Variants in LRPPRC observed in about 807,000 individuals in gnomAD.
The protein encoded by LRPPRC is leucine rich pentatricopeptide repeat containing.
LRPPRC carries 120 observed loss-of-function variants against 180.3 expected under a neutral mutation model. The observed-to-expected ratio is 0.67, with a 90% confidence interval of 0.57 to 0.77. The LOEUF (loss-of-function observed/expected upper bound fraction) is 0.77, where lower values mean the gene tolerates loss of function less well. LRPPRC is among the 30% of genes least tolerant of loss of function. The pLI, the probability that LRPPRC is intolerant of heterozygous loss-of-function variation, is 0.00. For synonymous variants in LRPPRC, 723 were observed against 600.0 expected, an observed-to-expected ratio of 1.21 and a Z score of -3.00; for missense variants, 2,012 against 1,657.2, an observed-to-expected ratio of 1.21 and a Z score of -3.72.
At chr2:43,987,491 C>CAAAAAAAAAAA (rs34151335) in intron 1 of LRPPRC, among the ~76,000 whole-genome samples, 1 of 75,926 alleles carries the variant, frequency 1.3e-5, no homozygotes, top group African/African-American at 5.4e-5. Context: ...CCAGACTCCT[C>CAAAAAAAAAAA]AAAAAAAAAA....
At chr2:43,975,028 T>A in intron 7 of LRPPRC, 63 bp downstream of exon 7, 3 of 1,552,366 alleles carry the variant, frequency 1.9e-6, no homozygotes, top group Non-Finnish European at 2.6e-6. Context: ...CTGCCTCATG[T>A]AAAACATAAC....
intron 13 of LRPPRC, among the ~76,000 whole-genome samples, chr2:43,959,495 TGTCTGTGTTTTGTTTG>T: frequency 6.6e-6 from 1 of 152,252 alleles, no homozygotes; most frequent in Non-Finnish European, 1.5e-5. Flanking sequence ...AAATTAATTA[TGTCTGTGTTTTGTTTG>T]TAAATGACAT....
In LRPPRC at chr2:43,918,080, T is replaced by C. The variant is rs768083517; in HGVS notation, c.3093A>G (p.Thr1031=). 5.6e-6 allele frequency: 9 copies of C among 1,613,920 alleles called. No homozygotes were observed. In the Admixed American group the frequency reaches 1.5e-4, roughly 27 times the overall value. The change falls in exon 29 of 38, where the codon ACA becomes ACG. Residue 1031 remains threonine, a synonymous_variant. Coordinates refer to ENST00000260665, the MANE Select transcript of LRPPRC (RefSeq NM_133259.4). ...HSLNSSSAST[T]EPDFQKDILI... The stretch of plus-strand genomic sequence containing the variant: ...ATATATCTTTCTGGAAATCAGGTTC[T>C]GTGGTTGAGGCTGACGAAGAATTCA...
intron 23 of LRPPRC, among the ~76,000 whole-genome samples, chr2:43,940,171 C>T (rs938679631): frequency 2.0e-5 from 3 of 152,164 alleles, no homozygotes; most frequent in African/African-American, 7.2e-5. Flanking sequence ...TGTCCTTTGG[C>T]ACTGATGATG....
At position 43,899,764 on chromosome 2, in the gene LRPPRC, C is replaced by A. The variant is rs1317518549; in HGVS notation, c.3570-159G>T. On this transcript the variant is annotated intron_variant, in intron 32 of 37. Transcript: ENST00000260665. Reference sequence around the variant, plus strand: ...CCAAATAAACACTAGGCAACTGAAACCCTGAATCACATTTAAGTAGCAAAA... The same window carrying A: ...CCAAATAAACACTAGGCAACTGAAAACCTGAATCACATTTAAGTAGCAAAA... 1.1e-5 allele frequency: 7 copies of A among 611,402 alleles called. 1 individual carries two copies. Among genetic ancestry groups the A allele is most frequent in the South Asian group, 7.9e-5 (4 of 50,596 alleles). The allele number at this position is 611,402 out of a possible 1,614,324, so 37.9% of individuals were successfully genotyped here.
rs1282109699 is a variant in LRPPRC at position 43,886,594 on chromosome 2, C to T, written c.*2006G>A. 6.6e-6 allele frequency: 1 copy of T among 152,192 alleles called. No individual in the cohort carries two copies. The highest frequency in any genetic ancestry group is 2.1e-4 in the South Asian group (1 of 4,832). The allele number at this position is 152,192 out of a possible 1,614,324, so 9.4% of individuals were successfully genotyped here. ...AGAGGGCTAGATAAGGGGGTCTTAC[C>T]TATTTCCTCTGTACCACACTCACAT... On this transcript the variant is annotated 3_prime_UTR_variant, in exon 38 of 38. Coordinates refer to ENST00000260665, the MANE Select transcript of LRPPRC (RefSeq NM_133259.4).
At chr2:43,932,252 T>C (rs527997300) in intron 25 of LRPPRC, among the ~76,000 whole-genome samples, 5 of 151,898 alleles carry the variant, frequency 3.3e-5, no homozygotes, top group South Asian at 4.2e-4. Context: ...TATTTACACA[T>C]TGAACCTTGC....
intron 37 of LRPPRC, 120 bp downstream of exon 37, chr2:43,889,614 G>C: frequency 1.2e-6 from 1 of 866,518 alleles, no homozygotes; most frequent in Non-Finnish European, 1.9e-6. Context: ...TCCCCTGAGG[G>C]CTCTTCACAG....
chr2:43,988,835 G>A (rs896022356), intron 1 of LRPPRC, among the ~76,000 whole-genome samples: 9 of 151,952 alleles, frequency 5.9e-5, no homozygotes, highest in African/African-American at 2.2e-4. Flanking sequence ...GAGCCACCAC[G>A]CCTGACCAAA....
At chr2:43,916,950 G>GTAA (rs1553395763) in intron 29 of LRPPRC, among the ~76,000 whole-genome samples, 7 of 118,142 alleles carry the variant, frequency 5.9e-5, no homozygotes, top group East Asian at 2.2e-4. Flanking sequence ...TCTCCGGGGG[G>GTAA]AAAAAAAAAA....
At chr2:43,966,887 C>T (rs1572556962) in intron 11 of LRPPRC, among the ~76,000 whole-genome samples, 1 of 151,238 alleles carries the variant, frequency 6.6e-6, no homozygotes, top group African/African-American at 2.4e-5. Context: ...CCCATCTCTA[C>T]TAAAAATATA....
intron 11 of LRPPRC, among the ~76,000 whole-genome samples, chr2:43,965,016 T>C (rs1446648417): frequency 6.6e-6 from 1 of 152,128 alleles, no homozygotes; most frequent in African/African-American, 2.4e-5. Context: ...CCTTGTCTTT[T>C]TTTGAGACTG....
chr2:43,954,959 A>G (rs17031777), intron 14 of LRPPRC, among the ~76,000 whole-genome samples: 28,409 of 151,970 alleles, frequency 0.19, 3,371 homozygotes, highest in African/African-American at 0.33. Context: ...AACTTCAAAC[A>G]CCTCTTACAG....
chr2:43,955,413 G>A (rs1436441157), intron 14 of LRPPRC, among the ~76,000 whole-genome samples: 2 of 149,230 alleles, frequency 1.3e-5, no homozygotes, highest in African/African-American at 2.5e-5. Flanking sequence ...AGGCTGCAAT[G>A]AGCCATGTTC....
chr2:43,926,260 G>A (rs1031012990), intron 25 of LRPPRC, among the ~76,000 whole-genome samples: 30 of 152,142 alleles, frequency 2.0e-4, no homozygotes, highest in African/African-American at 7.2e-4. Flanking sequence ...ATGCTGCACT[G>A]CACGTCAAAG....
At chr2:43,996,001 C>T (rs1036542338), upstream of LRPPRC, 15 of 1,513,528 alleles carry the variant, frequency 9.9e-6, no homozygotes, top group Middle Eastern at 2.1e-4. Flanking sequence ...ACAGGAGGAG[C>T]ATGTGACCGC....
At chr2:43,991,369 C>G (rs1424119659) in intron 1 of LRPPRC, among the ~76,000 whole-genome samples, 1 of 152,074 alleles carries the variant, frequency 6.6e-6, no homozygotes, top group Non-Finnish European at 1.5e-5. Flanking sequence ...GAAGATTTTT[C>G]TAAAATGAGA....
chr2:43,899,516 T>G lies in LRPPRC; in HGVS notation c.3659A>C (p.Tyr1220Ser), dbSNP rs775734947. 1 of 1,613,820 alleles carries G rather than the reference T, an allele frequency of 6.2e-7. No homozygotes were observed. Among genetic ancestry groups the G allele is most frequent in the East Asian group, 2.2e-5 (1 of 44,868 alleles). ...CTCCTCTATTACTTTTCTGAATAAG[T>G]ATGCCAAGCCGAAGTATTGGGGTTC... is the stretch of plus-strand genomic sequence containing the variant. The part of the protein sequence containing the change: ...VIEPQYFGLA[Y>S]LFRKVIEEQL... Residue 1220 changes from tyrosine (Y) to serine (S), a missense_variant, in exon 33 of 38, where the codon TAC becomes TCC. Coordinates refer to ENST00000260665, the MANE Select transcript of LRPPRC (RefSeq NM_133259.4).
At position 43,943,846 on chromosome 2, in the gene LRPPRC, T is replaced by C. The variant is rs957526504; in HGVS notation, c.2345A>G (p.Lys782Arg). 1 of 1,613,230 alleles carries C rather than the reference T, an allele frequency of 6.2e-7. No homozygotes were observed. The highest frequency in any genetic ancestry group is 1.3e-5 in the African/African-American group (1 of 74,886). The change falls in exon 23 of 38, where the codon AAA becomes AGA. Residue 782 changes from lysine to arginine, a missense_variant. Physicochemically the swap from Lys to Arg is conservative, Grantham distance 26 (BLOSUM62 2). Coordinates refer to ENST00000260665, the MANE Select transcript of LRPPRC (RefSeq NM_133259.4). ...GAAAAAGGACAAGGCTGTTGTATCT[T>C]TGATAAGAACATCCTTCTCTTTCAT... ...KEMKEKDVLI[K>R]DTTALSFFHM...
Sources: gnomAD v4.1 joint callset for allele counts (sites outside exome capture counted in the v4.1 genomes callset) on GRCh38, gnomAD v4.1.1 for gene constraint, MANE v1.5 for transcripts, NCBI Gene and HGNC (gene_info 2026-07-23, HGNC 2026-07-21) for gene names.